STK39: variants seen among roughly 807,000 people sequenced by gnomAD.
STK39 encodes STE20/SPS1-related proline-alanine-rich protein kinase.
A neutral mutation model predicts 77.8 loss-of-function variants in STK39; 20 were observed. The ratio of observed to expected loss-of-function variants is 0.26; its 90% CI spans 0.18 to 0.37. The LOEUF is 0.37. Ranked by LOEUF, STK39 falls within the 10% of genes least tolerant of loss-of-function variation. The pLI is 1.00. For synonymous variants in STK39, 246 were observed against 234.1 expected, an observed-to-expected ratio of 1.05 and a Z score of -0.47; for missense variants, 479 against 656.5, an observed-to-expected ratio of 0.73 and a Z score of 2.95.
chr2:167,966,989 CCTGA>C (rs1267989530), intron 16 of STK39, among the ~76,000 whole-genome samples: 3 of 152,160 alleles, frequency 2.0e-5, no homozygotes, highest in Admixed American at 6.5e-5. Context: ...CCTCCCATCT[CCTGA>C]CTGTGCACCT....
chr2:168,131,339 T>C (rs1687691668), intron 8 of STK39, among the ~76,000 whole-genome samples: 1 of 152,148 alleles, frequency 6.6e-6, no homozygotes, highest in Admixed American at 6.6e-5. Flanking sequence ...TCATTAGGTA[T>C]TATCTTAGGC....
intron 2 of STK39, among the ~76,000 whole-genome samples, chr2:168,180,526 A>C (rs1689058693): frequency 6.6e-6 from 1 of 152,194 alleles, no homozygotes; most frequent in South Asian, 2.1e-4. Context: ...CTTCCAATTC[A>C]ACTCTTTTTA....
intron 16 of STK39, among the ~76,000 whole-genome samples, chr2:168,005,594 G>A (rs1684111292): frequency 2.0e-5 from 3 of 152,136 alleles, no homozygotes; most frequent in Non-Finnish European, 2.9e-5. Flanking sequence ...TGTCAACAAT[G>A]GTAGGGATGC....
intron 12 of STK39, among the ~76,000 whole-genome samples, chr2:168,070,413 T>C (rs1005600244): frequency 1.3e-5 from 2 of 152,062 alleles, no homozygotes; most frequent in South Asian, 2.1e-4. Context: ...AATTATTAAT[T>C]ACTAGTGGGT....
intron 14 of STK39, among the ~76,000 whole-genome samples, chr2:168,048,508 G>A (rs1685308187): frequency 6.6e-6 from 1 of 151,716 alleles, no homozygotes; most frequent in African/African-American, 2.4e-5. Context: ...CACCGCGCCC[G>A]GCCCGGCCCG....
chr2:168,051,873 C>T (rs1382100381), intron 14 of STK39, among the ~76,000 whole-genome samples: 1 of 152,154 alleles, frequency 6.6e-6, no homozygotes, highest in Non-Finnish European at 1.5e-5. Flanking sequence ...CTGAAAATGC[C>T]CTGCCTCAGA....
chr2:168,011,973 A>G (rs1032839940), intron 16 of STK39, among the ~76,000 whole-genome samples: 11 of 152,268 alleles, frequency 7.2e-5, no homozygotes, highest in African/African-American at 2.6e-4. Flanking sequence ...GTGTCCAAAA[A>G]GAGAATATAG....
rs146953539 is a variant in STK39 at position 168,074,731 on chromosome 2, G to A, written c.1242+251C>T. On this transcript the variant is annotated intron_variant, in intron 12 of 17. Transcript: ENST00000355999. The stretch of plus-strand genomic sequence containing the variant: ...ACGGGATTTTGCCAACCCTCATGGC[G>A]ACTTTCTTATAAGTACTGGGATCAT... Among the ~76,000 whole-genome samples the A allele has an allele frequency of 4.2e-3, 637 of 152,280 alleles. 3 individuals carry two copies. The highest frequency in any genetic ancestry group is 0.014 in the African/African-American group (602 of 41,556).
chr2:168,191,799 C>T (rs894105846), intron 1 of STK39, among the ~76,000 whole-genome samples: 2 of 152,042 alleles, frequency 1.3e-5, no homozygotes, highest in Non-Finnish European at 2.9e-5. Context: ...TTATTTAATA[C>T]GAAGATCTTA....
chr2:168,234,192 C>G (rs947963888), intron 1 of STK39, among the ~76,000 whole-genome samples: 3 of 152,176 alleles, frequency 2.0e-5, no homozygotes, highest in African/African-American at 7.2e-5. Context: ...TTTAGCCAGT[C>G]TTTGAACATT....
In STK39 at chr2:168,187,798, T is replaced by A. The variant is rs11901936; in HGVS notation, c.209-5708A>T. Among the ~76,000 whole-genome samples the A allele has an allele frequency of 6.5e-3, 990 of 152,264 alleles. 10 individuals carry two copies. Among genetic ancestry groups the A allele is most frequent in the African/African-American group, 0.022 (918 of 41,550 alleles). On this transcript the variant is annotated intron_variant, in intron 1 of 17. Coordinates refer to ENST00000355999, the MANE Select transcript of STK39 (RefSeq NM_013233.3). ...AGCAATAAACATCTAGTACTTTTTT[T>A]AAAAAAATTAGTCCATAAGAACTTT...
chr2:168,113,508 A>C (rs1687174274), intron 10 of STK39, among the ~76,000 whole-genome samples: 1 of 152,256 alleles, frequency 6.6e-6, no homozygotes, highest in South Asian at 2.1e-4. Context: ...ATTATAAATG[A>C]CAGTGAGGTG....
chr2:168,097,442 T>C (rs75529377), intron 10 of STK39, among the ~76,000 whole-genome samples: 378 of 152,274 alleles, frequency 2.5e-3, no homozygotes, highest in Non-Finnish European at 4.1e-3. Flanking sequence ...ACTAGTAGAA[T>C]GGCTGGGCAT....
At chr2:168,121,526 A>G (rs1057389274) in intron 10 of STK39, among the ~76,000 whole-genome samples, 1 of 152,172 alleles carries the variant, frequency 6.6e-6, no homozygotes, top group Non-Finnish European at 1.5e-5. Context: ...AAGACAGGTG[A>G]ATAGGCAATG....
chr2:168,035,236 T>C (rs1574409677), intron 14 of STK39, among the ~76,000 whole-genome samples: 1 of 152,176 alleles, frequency 6.6e-6, no homozygotes, highest in Admixed American at 6.5e-5. Flanking sequence ...GCTTGGGACA[T>C]AAAAGATGAT....
intron 12 of STK39, among the ~76,000 whole-genome samples, chr2:168,066,177 A>G (rs573312119): frequency 3.8e-4 from 58 of 152,338 alleles, no homozygotes; most frequent in African/African-American, 1.4e-3. Flanking sequence ...AGAGCATAAA[A>G]TTCTTACTCT....
chr2:168,030,157 A>G (rs1177783147), intron 14 of STK39, among the ~76,000 whole-genome samples: 2 of 152,144 alleles, frequency 1.3e-5, no homozygotes, highest in Non-Finnish European at 2.9e-5. Flanking sequence ...GGAGAATGGC[A>G]TGAATCTGGG....
intron 1 of STK39, among the ~76,000 whole-genome samples, chr2:168,189,974 C>T (rs958141709): frequency 3.3e-5 from 5 of 152,272 alleles, no homozygotes; most frequent in African/African-American, 4.8e-5. Context: ...CAACCTAGCC[C>T]GCCCGAGCTA....
At chr2:168,170,202 T>G (rs1420306235) in intron 2 of STK39, among the ~76,000 whole-genome samples, 7 of 152,110 alleles carry the variant, frequency 4.6e-5, no homozygotes, top group African/African-American at 1.7e-4. Flanking sequence ...CAATGATGGG[T>G]GTTATTTGAA....
Sources: gnomAD v4.1 joint callset for allele counts (sites outside exome capture counted in the v4.1 genomes callset) on GRCh38, gnomAD v4.1.1 for gene constraint, MANE v1.5 for transcripts, NCBI Gene and HGNC (gene_info 2026-07-23, HGNC 2026-07-21) for gene names.